The following RALYL variants were observed in gnomAD, a reference collection of about 807,000 sequenced individuals.
The protein encoded by RALYL is RALY RNA binding protein like, also known as RNA-binding Raly-like protein.
RALYL carries 29 observed loss-of-function variants against 35.1 expected under a neutral mutation model. The ratio of observed to expected loss-of-function variants is 0.83; its 90% CI spans 0.61 to 1.13. The LOEUF (loss-of-function observed/expected upper bound fraction) is 1.13. Among genes scored for constraint, RALYL ranks in the 50% most tolerant of loss-of-function variants. RALYL has a pLI of 0.00. For synonymous variants in RALYL, 120 were observed against 127.6 expected (o/e 0.94, Z 0.40); for missense variants, 359 against 360.4 (o/e 1.00, Z 0.03).
At chr8:84,553,222 C>T (rs2060871255) in intron 2 of RALYL, among the ~76,000 whole-genome samples, 1 of 152,136 alleles carries the variant, frequency 6.6e-6, no homozygotes, top group Non-Finnish European at 1.5e-5. Flanking sequence ...AGTGCAGTGG[C>T]ACAATCATAG....
chr8:84,620,929 C>A (rs1451474082), intron 2 of RALYL, among the ~76,000 whole-genome samples: 1 of 152,170 alleles, frequency 6.6e-6, no homozygotes, highest in Admixed American at 6.5e-5. Context: ...CAGGGACCCA[C>A]TTGAGGAGGC....
At chr8:84,441,838 C>T (rs1236508627) in intron 1 of RALYL, among the ~76,000 whole-genome samples, 1 of 152,080 alleles carries the variant, frequency 6.6e-6, no homozygotes, top group Admixed American at 6.6e-5. Context: ...CCTCATCCCA[C>T]TGCCCATGGC....
At chr8:84,294,779 A>C (rs908776338) in intron 1 of RALYL, among the ~76,000 whole-genome samples, 6 of 151,896 alleles carry the variant, frequency 4.0e-5, no homozygotes, top group Non-Finnish European at 7.4e-5. Flanking sequence ...AAAAAAAAAG[A>C]ATCTGGGAAG....
At chr8:84,827,523 A>C (rs2134326253) in intron 4 of RALYL, among the ~76,000 whole-genome samples, 1 of 152,252 alleles carries the variant, frequency 6.6e-6, no homozygotes. Flanking sequence ...GGAATGCTCA[A>C]GATTAGTGCC....
intron 1 of RALYL, among the ~76,000 whole-genome samples, chr8:84,232,004 A>G (rs1407176250): frequency 6.6e-6 from 1 of 152,186 alleles, no homozygotes; most frequent in Non-Finnish European, 1.5e-5. Flanking sequence ...GAAAAGGCAG[A>G]TTATTCCAAA....
chr8:84,251,477 T>G (rs1433332228), intron 1 of RALYL, among the ~76,000 whole-genome samples: 1 of 152,210 alleles, frequency 6.6e-6, no homozygotes, highest in East Asian at 1.9e-4. Flanking sequence ...TGCAAACTGT[T>G]ATTTTTTTTT....
intron 2 of RALYL, among the ~76,000 whole-genome samples, chr8:84,589,189 C>T (rs1178963602): frequency 1.1e-4 from 16 of 152,196 alleles, no homozygotes; most frequent in Non-Finnish European, 1.0e-4. Flanking sequence ...TGAGCCACCA[C>T]GCCCGGACTT....
intron 1 of RALYL, among the ~76,000 whole-genome samples, chr8:84,287,153 A>T (rs1837775848): frequency 6.6e-6 from 1 of 152,016 alleles, no homozygotes; most frequent in South Asian, 2.1e-4. Flanking sequence ...TTTTATTTCC[A>T]TGCTTGGGAG....
intron 2 of RALYL, among the ~76,000 whole-genome samples, chr8:84,680,744 A>G (rs1334237794): frequency 1.3e-5 from 2 of 151,962 alleles, no homozygotes; most frequent in African/African-American, 4.8e-5. Flanking sequence ...TAGATTCTGG[A>G]TATTAGCCCT....
At chr8:84,682,417 A>G (rs1260741420) in intron 2 of RALYL, among the ~76,000 whole-genome samples, 1 of 152,190 alleles carries the variant, frequency 6.6e-6, no homozygotes, top group East Asian at 1.9e-4. Flanking sequence ...AAGGAATGGT[A>G]CTAGCTTTTC....
intron 2 of RALYL, among the ~76,000 whole-genome samples, chr8:84,770,969 T>C (rs552189126): frequency 8.3e-4 from 127 of 152,340 alleles, no homozygotes; most frequent in African/African-American, 3.0e-3. Context: ...GATGTATAAA[T>C]TGTGAAGATT....
At chr8:84,684,488 C>T (rs1836330488) in intron 2 of RALYL, among the ~76,000 whole-genome samples, 1 of 152,044 alleles carries the variant, frequency 6.6e-6, no homozygotes, top group Non-Finnish European at 1.5e-5. Flanking sequence ...GATTGAGCTC[C>T]ATATTAAAGA....
intron 2 of RALYL, among the ~76,000 whole-genome samples, chr8:84,770,914 A>G (rs1263714058): frequency 6.6e-6 from 1 of 151,868 alleles, no homozygotes; most frequent in Non-Finnish European, 1.5e-5. Flanking sequence ...TTTCTTGCTA[A>G]TTTGTTTGAG....
chr8:84,603,807 G>A (rs1204771665), intron 2 of RALYL, among the ~76,000 whole-genome samples: 2 of 151,994 alleles, frequency 1.3e-5, no homozygotes, highest in Non-Finnish European at 2.9e-5. Flanking sequence ...TAATTGTCTG[G>A]GTGGCTTACT....
At chr8:84,917,413 T>A (rs1032924407) in intron 8 of RALYL, among the ~76,000 whole-genome samples, 5 of 151,936 alleles carry the variant, frequency 3.3e-5, no homozygotes, top group African/African-American at 1.2e-4. Context: ...AGAATCACTA[T>A]AGACAATGTC....
intron 2 of RALYL, among the ~76,000 whole-genome samples, chr8:84,612,152 G>T (rs574303254): frequency 1.3e-5 from 2 of 152,010 alleles, no homozygotes; most frequent in East Asian, 1.9e-4. Flanking sequence ...TTGGGATTTT[G>T]GGGGTTTGTG....
intron 1 of RALYL, among the ~76,000 whole-genome samples, chr8:84,338,465 T>TA (rs11371775): frequency 0.021 from 2,893 of 137,482 alleles, 71 homozygotes; most frequent in East Asian, 0.15. Context: ...GTACTGCAAT[T>TA]AAAAAAAAAA....
intron 2 of RALYL, among the ~76,000 whole-genome samples, chr8:84,602,371 C>G (rs28706912): frequency 2.0e-5 from 3 of 151,968 alleles, no homozygotes; most frequent in Admixed American, 6.6e-5. Context: ...TTGTAATAAC[C>G]CTTGACTCTA....
intron 1 of RALYL, among the ~76,000 whole-genome samples, chr8:84,221,961 T>C (rs1822329560): frequency 6.6e-6 from 1 of 152,122 alleles, no homozygotes. Flanking sequence ...TTATAATTTA[T>C]TTTAAATATC....
Sources: gnomAD v4.1 joint callset for allele counts (sites outside exome capture counted in the v4.1 genomes callset) on GRCh38, gnomAD v4.1.1 for gene constraint, MANE v1.5 for transcripts, NCBI Gene and HGNC (gene_info 2026-07-23, HGNC 2026-07-21) for gene names.